Variants in NALF1 observed in about 807,000 individuals in gnomAD.
NALF1 encodes family with sequence similarity 155 member A.
A neutral mutation model predicts 48.4 loss-of-function variants in NALF1; 3 were observed. That is an observed-to-expected ratio of 0.06 (90% confidence interval 0.03 to 0.16). The LOEUF is 0.16. Ranked by LOEUF, NALF1 falls within the 10% of genes least tolerant of loss-of-function variation. The pLI, the probability that NALF1 is intolerant of heterozygous loss-of-function variation, is 1.00. For synonymous variants in NALF1, 262 were observed against 245.7 expected (o/e 1.07, Z -0.62); for missense variants, 526 against 571.5 (o/e 0.92, Z 0.81).
chr13:107,656,513 A>T (rs1019803714), intron 1 of NALF1, among the ~76,000 whole-genome samples: 1 of 152,094 alleles, frequency 6.6e-6, no homozygotes, highest in Non-Finnish European at 1.5e-5. Flanking sequence ...AAAATAATAG[A>T]TGTTGGCATG....
chr13:107,706,898 G>A (rs1875387050), intron 1 of NALF1, among the ~76,000 whole-genome samples: 2 of 143,102 alleles, frequency 1.4e-5, no homozygotes, highest in Admixed American at 6.9e-5. Flanking sequence ...ATGTCCGCCA[G>A]TTTTTAAATC....
At chr13:107,595,967 C>T (rs1878732688) in intron 1 of NALF1, among the ~76,000 whole-genome samples, 1 of 151,332 alleles carries the variant, frequency 6.6e-6, no homozygotes, top group South Asian at 2.1e-4. Context: ...TGGTCACTGA[C>T]ATACCAAAAC....
rs1308367768 is a variant in NALF1 at position 107,198,201 on chromosome 13, A to C, written c.1087+12383T>G. Reference sequence around the variant, plus strand: ...ACTACAGAGAGTGGCTTGATTTTTCAGAGGAAAAATTCCCTAACTGCAGTT... The same window carrying C: ...ACTACAGAGAGTGGCTTGATTTTTCCGAGGAAAAATTCCCTAACTGCAGTT... On this transcript the variant is annotated intron_variant, in intron 2 of 2. Coordinates refer to ENST00000375915, the MANE Select transcript of NALF1 (RefSeq NM_001080396.3). Among the ~76,000 whole-genome samples, 7 of 152,280 alleles carry C rather than the reference A, an allele frequency of 4.6e-5. No homozygotes were observed. In the East Asian group the frequency reaches 1.4e-3, roughly 29 times the overall value.
chr13:107,331,335 A>G (rs915760517), intron 1 of NALF1, among the ~76,000 whole-genome samples: 3 of 152,200 alleles, frequency 2.0e-5, no homozygotes, highest in African/African-American at 7.2e-5. Flanking sequence ...AATAAATAAT[A>G]GAAATGTTTT....
chr13:107,860,431 CT>C (rs1353646564), intron 1 of NALF1, among the ~76,000 whole-genome samples: 28 of 152,144 alleles, frequency 1.8e-4, no homozygotes, highest in Admixed American at 1.0e-3. Flanking sequence ...GGTTCCCAAC[CT>C]TGGCTGCACA....
At chr13:107,400,308 T>C (rs1476326848) in intron 1 of NALF1, among the ~76,000 whole-genome samples, 1 of 152,202 alleles carries the variant, frequency 6.6e-6, no homozygotes, top group Non-Finnish European at 1.5e-5. Flanking sequence ...TATGTAATTA[T>C]GCTTATCTTA....
chr13:107,631,476 C>T (rs1370512666), intron 1 of NALF1, among the ~76,000 whole-genome samples: 1 of 151,928 alleles, frequency 6.6e-6, no homozygotes, highest in Non-Finnish European at 1.5e-5. Context: ...ATTTTTAGTT[C>T]GTTGAATTAT....
chr13:107,419,853 C>T (rs1884156185), intron 1 of NALF1, among the ~76,000 whole-genome samples: 1 of 152,168 alleles, frequency 6.6e-6, no homozygotes, highest in Non-Finnish European at 1.5e-5. Context: ...AGTGCAATTG[C>T]TCATTAGTTA....
At chr13:107,534,750 C>T (rs1323347849) in intron 1 of NALF1, among the ~76,000 whole-genome samples, 1 of 152,156 alleles carries the variant, frequency 6.6e-6, no homozygotes, top group Non-Finnish European at 1.5e-5. Flanking sequence ...AACAGTGACT[C>T]TGAAGCAGGA....
chr13:107,688,844 TG>T (rs1201611674), intron 1 of NALF1, among the ~76,000 whole-genome samples: 2 of 152,146 alleles, frequency 1.3e-5, no homozygotes. Context: ...TTGGCAGAAA[TG>T]TGGCTCCTGG....
intron 1 of NALF1, among the ~76,000 whole-genome samples, chr13:107,536,210 A>G (rs1363824903): frequency 6.6e-6 from 1 of 152,224 alleles, no homozygotes; most frequent in African/African-American, 2.4e-5. Flanking sequence ...TAGCAACAAA[A>G]GCCAAAATTG....
chr13:107,408,795 G>A (rs1413366933), intron 1 of NALF1, among the ~76,000 whole-genome samples: 1 of 152,058 alleles, frequency 6.6e-6, no homozygotes, highest in Non-Finnish European at 1.5e-5. Flanking sequence ...TGATATAGGG[G>A]GAGATTGTTA....
intron 1 of NALF1, among the ~76,000 whole-genome samples, chr13:107,666,655 T>C (rs1476660781): frequency 2.0e-5 from 3 of 152,166 alleles, no homozygotes; most frequent in African/African-American, 4.8e-5. Context: ...AGATTAATTT[T>C]ATCTTCACAA....
At chr13:107,216,903 C>T (rs906276385) in intron 1 of NALF1, among the ~76,000 whole-genome samples, 8 of 152,182 alleles carry the variant, frequency 5.3e-5, no homozygotes, top group Non-Finnish European at 8.8e-5. Context: ...CAGATCAACT[C>T]GGCTGTGCTT....
chr13:107,799,805 CCTTTA>C (rs565011007), intron 1 of NALF1, among the ~76,000 whole-genome samples: 1 of 152,118 alleles, frequency 6.6e-6, no homozygotes, highest in Middle Eastern at 3.4e-3. Context: ...TTTCAGGTTC[CCTTTA>C]CTTTGTAGAG....
At chr13:107,407,519 A>C (rs1883919505) in intron 1 of NALF1, among the ~76,000 whole-genome samples, 1 of 152,126 alleles carries the variant, frequency 6.6e-6, no homozygotes, top group Admixed American at 6.6e-5. Flanking sequence ...GCTCAACATC[A>C]ATGATCATCA....
At chr13:107,261,604 C>G (rs927893076) in intron 1 of NALF1, among the ~76,000 whole-genome samples, 4 of 152,136 alleles carry the variant, frequency 2.6e-5, no homozygotes, top group African/African-American at 7.2e-5. Context: ...GCTTCTCTCT[C>G]TATTTTTATG....
intron 1 of NALF1, among the ~76,000 whole-genome samples, chr13:107,672,084 T>G (rs943771724): frequency 1.3e-5 from 2 of 152,130 alleles, no homozygotes; most frequent in African/African-American, 2.4e-5. Context: ...GAACGTGAGC[T>G]CTCTGTTTTC....
chr13:107,739,363 T>A (rs562774721), intron 1 of NALF1, among the ~76,000 whole-genome samples: 12 of 148,196 alleles, frequency 8.1e-5, no homozygotes, highest in African/African-American at 2.2e-4. Flanking sequence ...ATATATAATA[T>A]ATAAATATAT....
Sources: gnomAD v4.1 joint callset for allele counts (sites outside exome capture counted in the v4.1 genomes callset) on GRCh38, gnomAD v4.1.1 for gene constraint, MANE v1.5 for transcripts, NCBI Gene and HGNC (gene_info 2026-07-23, HGNC 2026-07-21) for gene names.